Variants in TBC1D14 observed in about 807,000 individuals in gnomAD.
TBC1D14 encodes TBC1 domain family, member 14.
Under a neutral mutation model 79.0 loss-of-function variants are expected in TBC1D14, and 26 were observed. The observed-to-expected ratio is 0.33, with a 90% CI of 0.24 to 0.46. TBC1D14 has a LOEUF of 0.46. Ranked by LOEUF, TBC1D14 falls within the 20% of genes least tolerant of loss-of-function variation. The pLI is 1.00. For missense variants in TBC1D14, 769 were observed against 887.6 expected (o/e 0.87, Z 1.70); for synonymous variants, 394 against 349.9 (o/e 1.13, Z -1.40).
chr4:7,021,879 AG>A (rs1238813261), intron 12 of TBC1D14, among the ~76,000 whole-genome samples: 1 of 152,174 alleles, frequency 6.6e-6, no homozygotes, highest in Non-Finnish European at 1.5e-5. Context: ...TGTGAGCCTG[AG>A]GGCAGCAGGG....
Position 7,027,624 on chromosome 4 carries a change from ACAC to A in TBC1D14, c.2016+2363_2016+2365del, listed in dbSNP as rs1207939395. ...AATTACCCTACACAGTCACATCCAC[ACAC>A]AATCACCCCACACACATCACACACC... is the stretch of plus-strand genomic sequence containing the variant. On this transcript the variant is annotated intron_variant, in intron 13 of 13. Transcript: ENST00000409757. Among the ~76,000 whole-genome samples, 11 of 145,100 alleles carry A rather than the reference ACAC, an allele frequency of 7.6e-5. No individual in the cohort carries two copies. The East Asian group carries it at 1.3e-3, about 17-fold the overall frequency.
chr4:6,944,018 C>T (rs952282361), intron 2 of TBC1D14, among the ~76,000 whole-genome samples: 1 of 107,880 alleles, frequency 9.3e-6, no homozygotes, highest in Non-Finnish European at 2.0e-5. Context: ...GTGAAGCCGG[C>T]GCGTTCTGCC....
At chr4:6,911,094 A>G (rs1388097556) in intron 1 of TBC1D14, among the ~76,000 whole-genome samples, 1 of 152,108 alleles carries the variant, frequency 6.6e-6, no homozygotes, top group African/African-American at 2.4e-5. Flanking sequence ...GCAGTCTTAG[A>G]ACACTTCCTG....
intron 2 of TBC1D14, among the ~76,000 whole-genome samples, chr4:6,945,422 G>T (rs1713334605): frequency 6.6e-6 from 1 of 152,166 alleles, no homozygotes; most frequent in South Asian, 2.1e-4. Context: ...CACGGAAAGG[G>T]CTGGAAAGGA....
At chr4:6,968,044 C>T (rs929678930) in intron 3 of TBC1D14, among the ~76,000 whole-genome samples, 21 of 152,320 alleles carry the variant, frequency 1.4e-4, no homozygotes, top group Admixed American at 8.5e-4. Flanking sequence ...CTGTGACCGT[C>T]GCTGCCTGCA....
chr4:6,985,811 G>A (rs538726219), intron 3 of TBC1D14, among the ~76,000 whole-genome samples: 1 of 152,166 alleles, frequency 6.6e-6, no homozygotes, highest in African/African-American at 2.4e-5. Flanking sequence ...TTGGATAATT[G>A]TCTTAACAAG....
chr4:6,948,924 G>A (rs62289162), intron 2 of TBC1D14, among the ~76,000 whole-genome samples: 1 of 151,810 alleles, frequency 6.6e-6, no homozygotes, highest in Non-Finnish European at 1.5e-5. Context: ...CTGGCCGGGC[G>A]TGGTGGCTTA....
intron 3 of TBC1D14, among the ~76,000 whole-genome samples, chr4:6,989,216 C>T (rs76726855): frequency 6.6e-6 from 1 of 152,172 alleles, no homozygotes; most frequent in Non-Finnish European, 1.5e-5. Context: ...GGAATGTAGA[C>T]CCTGCCCCTG....
intron 2 of TBC1D14, among the ~76,000 whole-genome samples, chr4:6,933,956 A>AGGAGTCAAAGATGACTCTGAGACTT (rs2108954935): frequency 6.6e-6 from 1 of 152,314 alleles, no homozygotes; most frequent in South Asian, 2.1e-4. Flanking sequence ...GAGAAAAGAA[A>AGGAGTCAAAGATGACTCTGAGACTT]GGAGTCAAAG....
intron 2 of TBC1D14, among the ~76,000 whole-genome samples, chr4:6,956,009 A>G (rs568400039): frequency 3.9e-4 from 60 of 152,184 alleles, no homozygotes; most frequent in Non-Finnish European, 8.1e-4. Flanking sequence ...CTTTCATTCA[A>G]TAATCTGAGT....
intron 3 of TBC1D14, among the ~76,000 whole-genome samples, chr4:6,977,898 G>A (rs1484166549): frequency 3.4e-5 from 5 of 146,968 alleles, no homozygotes; most frequent in South Asian, 4.3e-4. Flanking sequence ...CTGCCGCCCC[G>A]TCTGGGATGT....
chr4:6,969,427 A>G (rs1382523767), intron 3 of TBC1D14, among the ~76,000 whole-genome samples: 1 of 150,944 alleles, frequency 6.6e-6, no homozygotes, highest in African/African-American at 2.4e-5. Context: ...TTTTTTTGAG[A>G]CGGAGTCTCA....
intron 8 of TBC1D14, among the ~76,000 whole-genome samples, chr4:7,005,834 A>G (rs1720140291): frequency 6.6e-6 from 1 of 152,232 alleles, no homozygotes; most frequent in African/African-American, 2.4e-5. Context: ...GTCTGGGATT[A>G]GTTGAATACT....
intron 2 of TBC1D14, among the ~76,000 whole-genome samples, chr4:6,960,083 T>C (rs965180867): frequency 7.0e-4 from 73 of 104,346 alleles, no homozygotes; most frequent in African/African-American, 3.3e-3. Context: ...CTGTGCCCCT[T>C]TTTTTTTTTT....
At chr4:6,960,973 G>GT (rs1392874971) in intron 2 of TBC1D14, among the ~76,000 whole-genome samples, 1 of 152,200 alleles carries the variant, frequency 6.6e-6, no homozygotes, top group African/African-American at 2.4e-5. Context: ...AGTTAAATGT[G>GT]TGAGCCGTGG....
intron 7 of TBC1D14, among the ~76,000 whole-genome samples, chr4:7,004,216 C>T (rs1247263646): frequency 1.3e-5 from 2 of 152,188 alleles, no homozygotes; most frequent in African/African-American, 4.8e-5. Flanking sequence ...AGAGCTGTCA[C>T]AAAAATAAGT....
chr4:6,943,968 G>C (rs549729425), intron 2 of TBC1D14, among the ~76,000 whole-genome samples: 1 of 152,370 alleles, frequency 6.6e-6, no homozygotes, highest in Non-Finnish European at 1.5e-5. Context: ...ACAGCCGTTT[G>C]GGTTTCCGAT....
intron 11 of TBC1D14, among the ~76,000 whole-genome samples, 189 bp downstream of exon 11, chr4:7,010,970 G>A (rs919590272): frequency 1.3e-5 from 2 of 152,206 alleles, no homozygotes; most frequent in Non-Finnish European, 2.9e-5. Context: ...AAAAGACACG[G>A]TTAGTAGCCG....
intron 2 of TBC1D14, among the ~76,000 whole-genome samples, chr4:6,926,083 T>C (rs918485810): frequency 2.0e-5 from 3 of 152,208 alleles, no homozygotes; most frequent in African/African-American, 7.2e-5. Flanking sequence ...TTCTCACCCC[T>C]AGAACCGTGC....
Sources: gnomAD v4.1 joint callset for allele counts (sites outside exome capture counted in the v4.1 genomes callset) on GRCh38, gnomAD v4.1.1 for gene constraint, MANE v1.5 for transcripts, NCBI Gene and HGNC (gene_info 2026-07-23, HGNC 2026-07-21) for gene names.